REV3L: variants seen among roughly 807,000 people sequenced by gnomAD.
The protein encoded by REV3L is REV3 like, DNA directed polymerase zeta catalytic subunit.
In REV3L, 69 loss-of-function variants were observed where a neutral mutation model predicts 299.4. That is an observed-to-expected ratio of 0.23 (90% CI 0.19 to 0.28). The LOEUF (loss-of-function observed/expected upper bound fraction) is 0.28, where lower values mean the gene tolerates loss of function less well. Among genes scored for constraint, REV3L ranks in the 10% least tolerant of loss-of-function variants. The probability of loss-of-function intolerance (pLI) is 1.00; values close to 1 mark genes in which losing one functional copy is unlikely to be tolerated. For synonymous variants in REV3L, 1,238 were observed against 1,271.4 expected (o/e 0.97, Z 0.56); for missense variants, 3,128 against 3,693.8 (o/e 0.85, Z 3.97).
chr6:111,320,771 T>C (rs1362467303), intron 26 of REV3L, among the ~76,000 whole-genome samples: 2 of 152,102 alleles, frequency 1.3e-5, no homozygotes, highest in Admixed American at 1.3e-4. Flanking sequence ...CCTCACAGCC[T>C]CCCAAGCAGC....
intron 31 of REV3L, among the ~76,000 whole-genome samples, chr6:111,301,820 TAAAA>T (rs200670870): frequency 2.6e-5 from 4 of 151,456 alleles, no homozygotes; most frequent in Non-Finnish European, 4.4e-5. Flanking sequence ...CATATATAGT[TAAAA>T]AAAAGGTTAT....
At chr6:111,468,747 G>A (rs1394172607) in intron 1 of REV3L, among the ~76,000 whole-genome samples, 1 of 16,296 alleles carries the variant, frequency 6.1e-5, no homozygotes, top group East Asian at 0.036. Context: ...AATGTAGCAT[G>A]TAAGATAATA....
At chr6:111,475,483 T>C (rs1562372222) in intron 1 of REV3L, among the ~76,000 whole-genome samples, 1 of 152,240 alleles carries the variant, frequency 6.6e-6, no homozygotes, top group African/African-American at 2.4e-5. Flanking sequence ...CAGCAATGTA[T>C]AAGGCTGACC....
chr6:111,477,842 T>C (rs938829235), intron 1 of REV3L, among the ~76,000 whole-genome samples: 5 of 152,122 alleles, frequency 3.3e-5, no homozygotes, highest in Non-Finnish European at 7.4e-5. Flanking sequence ...GGGGACAAAG[T>C]AGATTGGGAT....
chr6:111,313,574 A>T (rs1006520273), intron 27 of REV3L, 85 bp from the exon 28 acceptor site: 2 of 1,330,972 alleles, frequency 1.5e-6, no homozygotes, highest in Admixed American at 2.4e-5. Flanking sequence ...TGCTTTCTTT[A>T]ATCAAGTATC....
chr6:111,355,550 C>T (rs1230598148), intron 18 of REV3L, among the ~76,000 whole-genome samples: 1 of 152,032 alleles, frequency 6.6e-6, no homozygotes, highest in Admixed American at 6.6e-5. Flanking sequence ...GTTTTGTTTA[C>T]CCCATTTTCC....
intron 26 of REV3L, among the ~76,000 whole-genome samples, chr6:111,318,438 T>G (rs1024765415): frequency 9.9e-5 from 15 of 152,094 alleles, no homozygotes; most frequent in African/African-American, 3.6e-4. Flanking sequence ...AGGTTTTCTT[T>G]TTTCTAAGAT....
chr6:111,449,228 C>T (rs1471505955), intron 1 of REV3L, among the ~76,000 whole-genome samples: 2 of 152,124 alleles, frequency 1.3e-5, no homozygotes, highest in African/African-American at 2.4e-5. Context: ...CCCTGAGAGA[C>T]GGGAAACAAA....
chr6:111,366,202 AGTG>A (rs1290300499), intron 14 of REV3L, among the ~76,000 whole-genome samples: 3 of 152,132 alleles, frequency 2.0e-5, no homozygotes, highest in Non-Finnish European at 4.4e-5. Flanking sequence ...GTGTTGGGGA[AGTG>A]GTGGTGAATG....
In REV3L at chr6:111,372,786, T is replaced by C; in HGVS notation, c.5569A>G (p.Arg1857Gly). 5.6e-6 allele frequency: 9 copies of C among 1,613,042 alleles called. No homozygotes were observed. The highest frequency in any genetic ancestry group is 7.6e-6 in the Non-Finnish European group (9 of 1,179,484). ...MLTPTPDSSP[R>G]STSSPSQSKN... Reference sequence around the variant, plus strand: ...GATTGTGAAGGAGAGCTAGTAGATCTTGGTGAACTATCAGGAGTTGGTGTC... The same window carrying C: ...GATTGTGAAGGAGAGCTAGTAGATCCTGGTGAACTATCAGGAGTTGGTGTC... The change falls in exon 13 of 32, where the codon AGA (arginine) becomes GGA (glycine). Residue 1857 changes from arginine (R) to glycine (G), a missense_variant. Physicochemically the swap from Arg to Gly is moderately radical, Grantham distance 125 (BLOSUM62 -2). Around this residue, in one of 9 missense-constraint regions of REV3L, gnomAD observed 2,409 missense variants for 2,611.8 expected, o/e 0.92. Transcript: ENST00000368802.
At chr6:111,302,160 T>C (rs1348530617) in intron 31 of REV3L, among the ~76,000 whole-genome samples, 4 of 152,208 alleles carry the variant, frequency 2.6e-5, no homozygotes, top group South Asian at 2.1e-4. Context: ...TATTATGATA[T>C]TGTCACAAGC....
At chr6:111,450,080 G>T (rs1196660418) in intron 1 of REV3L, among the ~76,000 whole-genome samples, 1 of 152,066 alleles carries the variant, frequency 6.6e-6, no homozygotes, top group African/African-American at 2.4e-5. Context: ...AATATGAGTA[G>T]AACTAAGAAT....
chr6:111,334,725 A>C (rs1057509670), intron 22 of REV3L, among the ~76,000 whole-genome samples: 1 of 152,224 alleles, frequency 6.6e-6, no homozygotes, highest in Non-Finnish European at 1.5e-5. Context: ...GGGTATAAAT[A>C]AAATAAATAG....
chr6:111,362,883 T>G (rs1778843924), intron 16 of REV3L, among the ~76,000 whole-genome samples: 1 of 152,234 alleles, frequency 6.6e-6, no homozygotes, highest in Non-Finnish European at 1.5e-5. Context: ...AATTCAGTTC[T>G]TCAGTTGTAT....
chr6:111,311,345 ACTGGGTAAC>A (rs1772955644), intron 28 of REV3L, 86 bp from the exon 29 acceptor site: 3 of 986,362 alleles, frequency 3.0e-6, no homozygotes, highest in Non-Finnish European at 4.4e-6. Flanking sequence ...TTATGTAACT[ACTGGGTAAC>A]CTGCTAACCT....
chr6:111,352,012 C>CTT (rs879816515), intron 18 of REV3L, among the ~76,000 whole-genome samples: 1 of 143,884 alleles, frequency 7.0e-6, no homozygotes, highest in South Asian at 2.2e-4. Flanking sequence ...TTCTTTCTTT[C>CTT]TTTTTTTTTT....
intron 16 of REV3L, among the ~76,000 whole-genome samples, chr6:111,362,421 T>A (rs1778789336): frequency 6.6e-6 from 1 of 152,206 alleles, no homozygotes. Flanking sequence ...AAAATTGAAT[T>A]ATAACTTAAA....
rs762533121 is a variant in REV3L at position 111,367,454 on chromosome 6, TATC to T, written c.6331_6333del (p.Asp2111del). The T allele has an allele frequency of 5.6e-6, 9 of 1,610,226 alleles. No individual in the cohort carries two copies. The highest frequency in any genetic ancestry group is 4.0e-5 in the African/African-American group (3 of 74,796). On this transcript the variant is annotated inframe_deletion, in exon 14 of 32. Coordinates refer to ENST00000368802, the MANE Select transcript of REV3L (RefSeq NM_001372078.1). ...GGGGAGCTATAACTAATGTAATAGT[TATC>T]ATCATCATCTTCATCTTTTTCGGGA...
At chr6:111,460,342 G>T in intron 1 of REV3L, 1 of 151,896 alleles carries the variant, frequency 6.6e-6, no homozygotes. Context: ...GGGTTCAGTC[G>T]TACTTCAAAC....
Sources: allele counts gnomAD v4.1 joint callset (sites outside exome capture counted in the v4.1 genomes callset), GRCh38; gene constraint gnomAD v4.1.1; regional missense constraint gnomAD v4.1.1; transcripts MANE v1.5; gene names NCBI Gene and HGNC (gene_info 2026-07-23, HGNC 2026-07-21).